Variants in NBEA observed in about 807,000 individuals in gnomAD.
NBEA encodes the protein lysosomal-trafficking regulator 2.
A neutral mutation model predicts 343.4 loss-of-function variants in NBEA; 44 were observed. The ratio of observed to expected loss-of-function variants is 0.13; its 90% CI spans 0.10 to 0.16. The LOEUF is 0.16. NBEA is among the 10% of genes least tolerant of loss of function. The pLI is 1.00. For missense variants in NBEA, 2,555 were observed against 3,631.3 expected (o/e 0.70, Z 7.62); for synonymous variants, 1,175 against 1,238.7 (o/e 0.95, Z 1.08).
At chr13:35,373,341 A>G (rs1566043099) in intron 38 of NBEA, among the ~76,000 whole-genome samples, 1 of 152,208 alleles carries the variant, frequency 6.6e-6, no homozygotes, top group Non-Finnish European at 1.5e-5. Context: ...CACATAACAC[A>G]TATTTTAATG....
intron 1 of NBEA, among the ~76,000 whole-genome samples, chr13:34,968,844 A>G (rs2152497222): frequency 6.6e-6 from 1 of 151,224 alleles, no homozygotes; most frequent in East Asian, 1.9e-4. Context: ...TTTTAAACAC[A>G]TATGCTGTGA....
intron 35 of NBEA, among the ~76,000 whole-genome samples, chr13:35,308,482 A>G (rs1566597169): frequency 8.0e-6 from 1 of 125,366 alleles, no homozygotes; most frequent in African/African-American, 3.2e-5. Context: ...ATGTATATAT[A>G]TATGTGTATA....
chr13:35,251,623 G>A, intron 34 of NBEA: 2 of 1,147,200 alleles, frequency 1.7e-6, no homozygotes, highest in Non-Finnish European at 1.1e-6. Context: ...AGCAGAGATG[G>A]CCAGATTTGA....
chr13:35,376,814 T>C (rs1179890790), intron 38 of NBEA, among the ~76,000 whole-genome samples: 11 of 152,130 alleles, frequency 7.2e-5, no homozygotes, highest in Admixed American at 7.2e-4. Context: ...TGTGGGCACA[T>C]GCTGTAATAC....
At chr13:35,484,231 AAT>A (rs1293911870) in intron 41 of NBEA, among the ~76,000 whole-genome samples, 152 of 108,256 alleles carry the variant, frequency 1.4e-3, no homozygotes, top group African/African-American at 4.6e-3. Context: ...TACCTACATT[AAT>A]ATGTGTGTGT....
chr13:35,183,539 T>A (rs1377314051), intron 29 of NBEA, among the ~76,000 whole-genome samples: 1 of 152,086 alleles, frequency 6.6e-6, no homozygotes, highest in African/African-American at 2.4e-5. Context: ...ACATGTACTT[T>A]TAACACACAA....
chr13:35,240,585 G>A (rs916522951), intron 34 of NBEA, among the ~76,000 whole-genome samples: 2 of 151,866 alleles, frequency 1.3e-5, no homozygotes, highest in African/African-American at 4.8e-5. Context: ...AATACAAATT[G>A]AGTTGGTCTC....
chr13:35,172,128 T>A (rs557254212), intron 26 of NBEA, among the ~76,000 whole-genome samples: 1 of 152,198 alleles, frequency 6.6e-6, no homozygotes, highest in East Asian at 1.9e-4. Flanking sequence ...CTGCAAGGCA[T>A]GAAATAGGAA....
chr13:35,457,308 T>C (rs1025219139), intron 40 of NBEA, among the ~76,000 whole-genome samples: 6 of 152,190 alleles, frequency 3.9e-5, no homozygotes, highest in African/African-American at 1.4e-4. Context: ...ATTGACCTGT[T>C]TACAGTGTAC....
At chr13:34,998,271 A>T (rs2061005105) in intron 1 of NBEA, among the ~76,000 whole-genome samples, 1 of 152,190 alleles carries the variant, frequency 6.6e-6, no homozygotes. Context: ...ATAAGATATC[A>T]CAGGGTAAAT....
intron 29 of NBEA, among the ~76,000 whole-genome samples, chr13:35,183,150 A>T (rs1278804575): frequency 2.0e-5 from 3 of 151,988 alleles, no homozygotes; most frequent in Non-Finnish European, 4.4e-5. Context: ...CAGTTCTTGC[A>T]TTACTAGCTT....
intron 1 of NBEA, among the ~76,000 whole-genome samples, chr13:35,035,689 C>T (rs938076031): frequency 6.6e-6 from 1 of 151,902 alleles, no homozygotes; most frequent in African/African-American, 2.4e-5. Context: ...TGTCTGGGTG[C>T]TCCAGTGTTG....
intron 45 of NBEA, among the ~76,000 whole-genome samples, chr13:35,572,804 G>T (rs1345162930): frequency 1.3e-5 from 2 of 151,918 alleles, no homozygotes; most frequent in Admixed American, 6.6e-5. Context: ...CATGATCTTG[G>T]CTCACTACAA....
chr13:35,165,666 A>AT (rs1415813695), intron 24 of NBEA, among the ~76,000 whole-genome samples: 2 of 148,478 alleles, frequency 1.3e-5, no homozygotes, highest in African/African-American at 4.9e-5. Flanking sequence ...CATAGAGGGC[A>AT]TTTTTTTCTT....
At chr13:35,622,330 G>A (rs926178486) in intron 48 of NBEA, among the ~76,000 whole-genome samples, 7 of 152,148 alleles carry the variant, frequency 4.6e-5, no homozygotes, top group African/African-American at 1.7e-4. Flanking sequence ...GTTATGCTGG[G>A]AGGAGCAGTG....
intron 55 of NBEA, 116 bp downstream of exon 55, chr13:35,655,865 C>T: frequency 1.1e-6 from 1 of 903,366 alleles, no homozygotes. Flanking sequence ...AATATGAAAG[C>T]TTAAGTGGCC....
At chr13:35,369,406 T>C (rs1482415369) in intron 38 of NBEA, among the ~76,000 whole-genome samples, 4 of 151,910 alleles carry the variant, frequency 2.6e-5, no homozygotes, top group African/African-American at 9.7e-5. Flanking sequence ...TAGGACTTTT[T>C]GTCTATTGCT....
chr13:35,025,357 G>A (rs1381994864), intron 1 of NBEA, among the ~76,000 whole-genome samples: 1 of 152,128 alleles, frequency 6.6e-6, no homozygotes, highest in Non-Finnish European at 1.5e-5. Flanking sequence ...GTGAAAAGAA[G>A]GGGTCCAGTT....
chr13:35,624,042 CTGTGTGTGTGTGGGTGTGTGTGTG>C (rs1290656546), intron 48 of NBEA, among the ~76,000 whole-genome samples: 1 of 127,530 alleles, frequency 7.8e-6, no homozygotes, highest in Non-Finnish European at 1.6e-5. Context: ...GTGTATATGC[CTGTGTGTGTGTGGGTGTGTGTGTG>C]TGTGTGTGTG....
Sources: allele counts gnomAD v4.1 joint callset (sites outside exome capture counted in the v4.1 genomes callset), GRCh38; gene constraint gnomAD v4.1.1; transcripts MANE v1.5; gene names NCBI Gene and HGNC (gene_info 2026-07-23, HGNC 2026-07-21).